Variants in SEMA3D observed in about 807,000 individuals in gnomAD.
The protein encoded by SEMA3D is semaphorin 3D.
A neutral mutation model predicts 100.1 loss-of-function variants in SEMA3D; 84 were observed. That is an observed-to-expected ratio of 0.84 (90% confidence interval 0.70 to 1.01). SEMA3D has a LOEUF of 1.01. Ranked by LOEUF, SEMA3D falls within the 50% of genes least tolerant of loss-of-function variation. The probability of loss-of-function intolerance (pLI) is 0.00; values close to 1 mark genes in which losing one functional copy is unlikely to be tolerated. For synonymous variants in SEMA3D, 312 were observed against 320.7 expected, an observed-to-expected ratio of 0.97 and a Z score of 0.29; for missense variants, 875 against 934.1, an observed-to-expected ratio of 0.94 and a Z score of 0.82.
the SEMA3D span, among the ~76,000 whole-genome samples, chr7:85,224,202 T>C: frequency 2.6e-5 from 4 of 152,272 alleles, no homozygotes; most frequent in Admixed American, 6.5e-5. Context: ...ACTTATAAAA[T>C]TGCCGAATAT....
chr7:85,103,472 T>A (rs1788811506), intron 3 of SEMA3D, among the ~76,000 whole-genome samples: 2 of 151,992 alleles, frequency 1.3e-5, no homozygotes, highest in Admixed American at 6.6e-5. Context: ...GGTAAAAGGG[T>A]GAGTGTGTTG....
At chr7:85,037,147 TGA>T in intron 11 of SEMA3D, 114 bp from the exon 12 acceptor site, 2 of 935,700 alleles carry the variant, frequency 2.1e-6, no homozygotes, top group Non-Finnish European at 3.2e-6. Flanking sequence ...ACATTAAATT[TGA>T]TGGGTACTGT....
the SEMA3D span, among the ~76,000 whole-genome samples, chr7:85,241,524 A>C: frequency 7.3e-6 from 1 of 137,922 alleles, no homozygotes; most frequent in Admixed American, 7.6e-5. Flanking sequence ...GAAATGAATT[A>C]ATGGCATTTG....
At chr7:85,168,091 A>G (rs1260236237) in intron 1 of SEMA3D, among the ~76,000 whole-genome samples, 2 of 151,828 alleles carry the variant, frequency 1.3e-5, no homozygotes, top group Non-Finnish European at 2.9e-5. Flanking sequence ...AGAATTTTAT[A>G]CTTTTCTTAT....
At chr7:85,158,381 G>C (rs1198287635) in intron 1 of SEMA3D, among the ~76,000 whole-genome samples, 2 of 152,172 alleles carry the variant, frequency 1.3e-5, no homozygotes, top group African/African-American at 2.4e-5. Flanking sequence ...TGTCTTTTAT[G>C]ATCATAGCTG....
Position 84,999,859 on chromosome 7 carries a change from G to T in SEMA3D, c.1915C>A (p.Pro639Thr). The T allele has an allele frequency of 1.9e-6, 3 of 1,611,528 alleles. No homozygotes were observed. The highest frequency in any genetic ancestry group is 1.7e-6 in the Non-Finnish European group (2 of 1,178,230). The change falls in exon 19 of 19, where the codon CCC (proline) becomes ACC (threonine). Residue 639 changes from proline to threonine, a missense_variant. Transcript: ENST00000284136. ...SGDEHREELK[P>T]DERIIKTEYG... The stretch of plus-strand genomic sequence containing the variant: ...TCCGTTTTGATGATTCTTTCATCGG[G>T]CTTCAACTGCAGAATTGGAAAAATG...
intron 1 of SEMA3D, among the ~76,000 whole-genome samples, chr7:85,166,397 G>A (rs1480588040): frequency 3.3e-5 from 5 of 151,964 alleles, no homozygotes; most frequent in Non-Finnish European, 7.4e-5. Flanking sequence ...GAATCATGGT[G>A]TTGGCAGTGA....
chr7:85,124,528 C>G (rs62462173), intron 2 of SEMA3D, among the ~76,000 whole-genome samples: 40,699 of 150,592 alleles, frequency 0.27, 5,708 homozygotes, highest in East Asian at 0.39. Flanking sequence ...CAATAAAGTA[C>G]CATAAAATAA....
At chr7:85,217,862 A>AT in the SEMA3D span, among the ~76,000 whole-genome samples, 1 of 152,090 alleles carries the variant, frequency 6.6e-6, no homozygotes, top group Admixed American at 6.6e-5. Context: ...TGTTGTTATC[A>AT]TTTATATCAC....
Position 85,124,100 on chromosome 7 carries a change from A to G in SEMA3D, c.-40-2169T>C, listed in dbSNP as rs76884824. Among the ~76,000 whole-genome samples, 831 of 152,196 alleles carry G rather than the reference A, an allele frequency of 5.5e-3. 10 individuals carry two copies. Among genetic ancestry groups the G allele is most frequent in the African/African-American group, 0.019 (778 of 41,542 alleles). On this transcript the variant is annotated intron_variant, in intron 2 of 18. Coordinates refer to ENST00000284136, the MANE Select transcript of SEMA3D (RefSeq NM_001384900.1). ...TTATATTATTTAACTGCCAGTAGGA[A>G]CACATTAATGCCATTGCCACAAAAC...
Position 85,107,940 on chromosome 7 carries a change from C to T in SEMA3D, c.152-9975G>A, listed in dbSNP as rs1374446138. Among the ~76,000 whole-genome samples, 4 of 152,116 alleles carry T rather than the reference C, an allele frequency of 2.6e-5. No homozygotes were observed. In the East Asian group the frequency reaches 5.8e-4, roughly 22 times the overall value. ...CCTGCTCTCCCACCAGTCTCTCCCA[C>T]GTGATGCTGCCTATTTCATTTTCCC... On this transcript the variant is annotated intron_variant, in intron 3 of 18. Transcript: ENST00000284136.
chr7:85,114,067 G>A (rs1209458924), intron 3 of SEMA3D, among the ~76,000 whole-genome samples: 1 of 152,112 alleles, frequency 6.6e-6, no homozygotes, highest in South Asian at 2.1e-4. Context: ...TCTAAGCAAA[G>A]GTTAGTGCCA....
At chr7:85,142,955 A>G in intron 2 of SEMA3D, 4 of 985,322 alleles carry the variant, frequency 4.1e-6, no homozygotes, top group Non-Finnish European at 4.8e-6. Flanking sequence ...AGTTAGGAAA[A>G]GTAATGCCAA....
chr7:85,064,072 T>C (rs1032090462), intron 8 of SEMA3D, among the ~76,000 whole-genome samples: 21 of 152,218 alleles, frequency 1.4e-4, no homozygotes, highest in African/African-American at 4.8e-4. Context: ...AATGCATATT[T>C]CCTACATTTA....
chr7:85,147,180 G>A (rs1025181789), intron 2 of SEMA3D, among the ~76,000 whole-genome samples: 3 of 126,802 alleles, frequency 2.4e-5, no homozygotes, highest in South Asian at 2.7e-4. Context: ...TTGGCTCACC[G>A]CAACCTCTGC....
At chr7:85,024,873 G>T (rs572574891) in intron 12 of SEMA3D, among the ~76,000 whole-genome samples, 2 of 151,944 alleles carry the variant, frequency 1.3e-5, no homozygotes, top group Middle Eastern at 3.2e-3. Context: ...TAGCTGTGCT[G>T]CACACAGATC....
intron 3 of SEMA3D, among the ~76,000 whole-genome samples, chr7:85,117,758 G>C (rs1428426106): frequency 6.9e-6 from 1 of 144,480 alleles, no homozygotes; most frequent in Non-Finnish European, 1.5e-5. Context: ...GGGAGACAGA[G>C]CAAGAGTATG....
the SEMA3D span, among the ~76,000 whole-genome samples, chr7:85,230,253 C>CCT: frequency 6.6e-6 from 1 of 152,148 alleles, no homozygotes. Flanking sequence ...GAATCACATG[C>CCT]CTCTGCTTAT....
At chr7:85,088,920 C>T (rs1057288512) in intron 4 of SEMA3D, among the ~76,000 whole-genome samples, 5 of 152,124 alleles carry the variant, frequency 3.3e-5, no homozygotes, top group Non-Finnish European at 5.9e-5. Context: ...TCAGAAGCCT[C>T]GCTTGCATTT....
Sources: gnomAD v4.1 joint callset for allele counts (sites outside exome capture counted in the v4.1 genomes callset) on GRCh38, gnomAD v4.1.1 for gene constraint, MANE v1.5 for transcripts, NCBI Gene and HGNC (gene_info 2026-07-23, HGNC 2026-07-21) for gene names.